JAKMIP1: variants seen among roughly 807,000 people sequenced by gnomAD.
JAKMIP1 encodes the protein janus kinase and microtubule interacting protein 1, also known as janus kinase and microtubule-interacting protein 1.
JAKMIP1 carries 33 observed loss-of-function variants against 113.0 expected under a neutral mutation model. The ratio of observed to expected loss-of-function variants is 0.29; its 90% confidence interval spans 0.22 to 0.39. The LOEUF is 0.39. Ranked by LOEUF, JAKMIP1 falls within the 10% of genes least tolerant of loss-of-function variation. The pLI is 1.00. For missense variants in JAKMIP1, 813 were observed against 1,080.5 expected (o/e 0.75, Z 3.47); for synonymous variants, 480 against 459.9 (o/e 1.04, Z -0.56).
At chr4:6,037,812 C>T (rs1389764705) in intron 18 of JAKMIP1, among the ~76,000 whole-genome samples, 11 of 145,326 alleles carry the variant, frequency 7.6e-5, no homozygotes, top group Non-Finnish European at 9.1e-5. Context: ...GAGGCAGAGG[C>T]TAACCGGTAG....
Position 6,179,655 on chromosome 4 carries a change from T to C in JAKMIP1, c.-148+20598A>G, listed in dbSNP as rs1725795719. On this transcript the variant is annotated intron_variant, in intron 1 of 20. Transcript: ENST00000409021. This position sits in a 1 kb window ranked among gnomAD's most constrained non-coding sequence, Gnocchi z 4.5. ...AGCAGTGGCCCTGAGTCAGGCTGCA[T>C]GGGTCTCTTGGGGTATCACTCCTGC... Among the ~76,000 whole-genome samples the C allele has an allele frequency of 6.6e-6, 1 of 152,218 alleles. No individual in the cohort carries two copies. Among genetic ancestry groups the C allele is most frequent in the African/African-American group, 2.4e-5 (1 of 41,450 alleles).
At chr4:6,102,566 T>A (rs1357545623) in intron 3 of JAKMIP1, among the ~76,000 whole-genome samples, 1 of 152,004 alleles carries the variant, frequency 6.6e-6, no homozygotes, top group Admixed American at 6.6e-5. Flanking sequence ...GCCTCCAGAA[T>A]GGTAAGAAAA....
In JAKMIP1 at chr4:6,064,315, G is replaced by C. The variant is rs560333751; in HGVS notation, c.1431+565C>G. ...ACGAAGCTGGTCTTTGCCCCCTCAC[G>C]AATCCACCTTGCTCAAGAAGCTGGC... is the stretch of plus-strand genomic sequence containing the variant. On this transcript the variant is annotated intron_variant, in intron 9 of 20. Transcript: ENST00000409021. The surrounding 1 kb of genome is among the most constrained non-coding windows in gnomAD (Gnocchi z 4.3). Among the ~76,000 whole-genome samples the C allele has an allele frequency of 2.0e-5, 3 of 152,338 alleles. No homozygotes were observed. Among genetic ancestry groups the C allele is most frequent in the Non-Finnish European group, 4.4e-5 (3 of 68,022 alleles).
At chr4:6,124,833 T>C (rs932145088) in intron 1 of JAKMIP1, among the ~76,000 whole-genome samples, 5 of 152,218 alleles carry the variant, frequency 3.3e-5, no homozygotes, top group South Asian at 2.1e-4. Flanking sequence ...GGGCAAACCT[T>C]TTCTGCTCTG....
chr4:6,060,410 T>G lies in JAKMIP1; in HGVS notation c.1644+14A>C, dbSNP rs749652572. 6.3e-7 allele frequency: 1 copy of G among 1,596,634 alleles called. No individual in the cohort carries two copies. The highest frequency in any genetic ancestry group is 8.6e-7 in the Non-Finnish European group (1 of 1,164,044). The stretch of plus-strand genomic sequence containing the variant: ...AAGGCTAAGATTCACAGAGCACAGA[T>G]CACTCCTGCTCACCTGTCCCTTCTC... On this transcript the variant is annotated intron_variant, in intron 11 of 20. Coordinates refer to ENST00000409021, the MANE Select transcript of JAKMIP1 (RefSeq NM_001099433.2).
chr4:6,103,833 C>T (rs1397643032), intron 3 of JAKMIP1, among the ~76,000 whole-genome samples: 1 of 152,024 alleles, frequency 6.6e-6, no homozygotes, highest in Non-Finnish European at 1.5e-5. Flanking sequence ...GTGGTATTTC[C>T]CCCTTTACAT....
At chr4:6,195,271 T>A (rs2109067404) in intron 1 of JAKMIP1, among the ~76,000 whole-genome samples, 1 of 152,346 alleles carries the variant, frequency 6.6e-6, no homozygotes, top group Middle Eastern at 3.4e-3. Flanking sequence ...GCACATGGCA[T>A]CAGTGAAGAA....
intron 1 of JAKMIP1, among the ~76,000 whole-genome samples, chr4:6,145,927 G>T (rs76261691): frequency 6.6e-6 from 1 of 152,062 alleles, no homozygotes; most frequent in South Asian, 2.1e-4. Context: ...TTTACAGGCC[G>T]TATCTCCAAA....
intron 2 of JAKMIP1, among the ~76,000 whole-genome samples, chr4:6,111,680 C>A (rs573064731): frequency 6.6e-6 from 1 of 152,332 alleles, no homozygotes; most frequent in African/African-American, 2.4e-5. Flanking sequence ...CCTAGAAAGC[C>A]TGTGCTCCTC....
chr4:6,200,437 A>G lies in JAKMIP1; in HGVS notation c.-332T>C, dbSNP rs566559357. 1 of 150,992 alleles carries G rather than the reference A, an allele frequency of 6.6e-6. No individual in the cohort carries two copies. Among genetic ancestry groups the G allele is most frequent in the East Asian group, 2.0e-4 (1 of 5,030 alleles). 9.4% of individuals were successfully genotyped at this position (150,992 alleles called of 1,614,324 possible). A position where few individuals can be genotyped will look rare whatever the true frequency, so the allele number is the denominator to read the frequency against. ...TGCACAAAAAAAATCGTAAAAAGCA[A>G]TTGAGGAGGATGGCAGTCGCGCGCG... On this transcript the variant is annotated 5_prime_UTR_variant, in exon 1 of 21. Coordinates refer to ENST00000409021, the MANE Select transcript of JAKMIP1 (RefSeq NM_001099433.2). This position sits in a 1 kb window ranked among gnomAD's most constrained non-coding sequence, Gnocchi z 7.0.
At position 6,141,515 on chromosome 4, in the gene JAKMIP1, T is replaced by C. The variant is rs1369729308; in HGVS notation, c.-147-28518A>G. 5.9e-5 allele frequency among the ~76,000 whole-genome samples: 9 copies of C among 152,032 alleles called. No individual in the cohort carries two copies. The highest frequency in any genetic ancestry group is 5.9e-4 in the Admixed American group (9 of 15,258). ...AGTGGTAGATGAAACCCTTCCTGGG[T>C]TGCTGCTTTACAAAACAAATATTGA... is the stretch of plus-strand genomic sequence containing the variant. On this transcript the variant is annotated intron_variant, in intron 1 of 20. Transcript: ENST00000409021. The surrounding 1 kb of genome is among the most constrained non-coding windows in gnomAD (Gnocchi z 9.4).
At position 6,049,003 on chromosome 4, in the gene JAKMIP1, T is replaced by C. The variant is rs1715329116; in HGVS notation, c.1963-81A>G. ...GACAGTCAGCACCAAGCAAGTTTTT[T>C]TTTTTCGTTGTTGTTGTTTGTTTTA... On this transcript the variant is annotated intron_variant, in intron 15 of 20. Transcript: ENST00000409021. This position sits in a 1 kb window ranked among gnomAD's most constrained non-coding sequence, Gnocchi z 7.0. 1 of 1,033,602 alleles carries C rather than the reference T, an allele frequency of 9.7e-7. No individual in the cohort carries two copies. The highest frequency in any genetic ancestry group is 1.5e-6 in the Non-Finnish European group (1 of 668,096). The allele number at this position is 1,033,602 out of a possible 1,614,324, so 64.0% of individuals were successfully genotyped here. A position where few individuals can be genotyped will look rare whatever the true frequency, so the allele number is the denominator to read the frequency against.
intron 1 of JAKMIP1, among the ~76,000 whole-genome samples, chr4:6,172,794 A>T (rs1034807793): frequency 2.6e-5 from 4 of 152,074 alleles, no homozygotes; most frequent in African/African-American, 7.2e-5. Flanking sequence ...CCTGCCCAAG[A>T]TGCCCCACCC....
Position 6,155,432 on chromosome 4 carries a change from A to G in JAKMIP1, c.-147-42435T>C, listed in dbSNP as rs552771544. Among the ~76,000 whole-genome samples, 1 of 152,332 alleles carries G rather than the reference A, an allele frequency of 6.6e-6. No homozygotes were observed. The highest frequency in any genetic ancestry group is 1.9e-4 in the East Asian group (1 of 5,184). ...GAGATTTAAAAAGTATGGAAAGGCTAAAACACTTGTCCAAAAGTGCACAGC... is the reference window on the plus strand; with the variant it reads ...GAGATTTAAAAAGTATGGAAAGGCTGAAACACTTGTCCAAAAGTGCACAGC... On this transcript the variant is annotated intron_variant, in intron 1 of 20. Transcript: ENST00000409021. This position sits in a 1 kb window ranked among gnomAD's most constrained non-coding sequence, Gnocchi z 6.1.
rs181110761 is a variant in JAKMIP1, at chr4:6,093,264, C to T, written c.625-7635G>A. ...ATGGTCCTATTACCAAACCGTCCTG[C>T]TCACACTAGAATAATCTGCTCACAC... On this transcript the variant is annotated intron_variant, in intron 3 of 20. Transcript: ENST00000409021. This position sits in a 1 kb window ranked among gnomAD's most constrained non-coding sequence, Gnocchi z 4.6. Among the ~76,000 whole-genome samples, 128 of 152,318 alleles carry T rather than the reference C, an allele frequency of 8.4e-4. No homozygotes were observed. The highest frequency in any genetic ancestry group is 2.9e-3 in the African/African-American group (120 of 41,578).
In JAKMIP1 at chr4:6,040,844, G is replaced by T. The variant is rs770658211; in HGVS notation, c.2098-128C>A. 1.8e-3 allele frequency: 1,294 copies of T among 720,538 alleles called. 12 individuals are homozygous for T. Among genetic ancestry groups the T allele is most frequent in the Non-Finnish European group, 1.4e-3 (572 of 411,828 alleles). 44.6% of individuals were successfully genotyped at this position (720,538 alleles called of 1,614,324 possible). ...GCACTCAGATGAGAAGGGACTTGGT[G>T]GTCTTCCCCGTTTGCCCCCACATGA... is the stretch of plus-strand genomic sequence containing the variant. On this transcript the variant is annotated intron_variant, in intron 17 of 20. Transcript: ENST00000409021. The surrounding 1 kb of genome is among the most constrained non-coding windows in gnomAD (Gnocchi z 5.8).
chr4:6,102,634 T>C (rs992765339), intron 3 of JAKMIP1, among the ~76,000 whole-genome samples: 2 of 151,086 alleles, frequency 1.3e-5, no homozygotes, highest in Non-Finnish European at 2.9e-5. Flanking sequence ...GCAACAGTAA[T>C]GAACTAAAAC....
At chr4:6,077,749 G>C (rs1719891683) in intron 8 of JAKMIP1, among the ~76,000 whole-genome samples, 1 of 152,068 alleles carries the variant, frequency 6.6e-6, no homozygotes, top group South Asian at 2.1e-4. Context: ...CTTTCAAAGT[G>C]CTGGAATTAC....
At chr4:6,111,791 T>C (rs1714977838) in intron 2 of JAKMIP1, among the ~76,000 whole-genome samples, 1 of 152,206 alleles carries the variant, frequency 6.6e-6, no homozygotes, top group Non-Finnish European at 1.5e-5. Flanking sequence ...GAGAGGAAAG[T>C]AGCTCATATC....
Sources: allele counts gnomAD v4.1 joint callset (sites outside exome capture counted in the v4.1 genomes callset), GRCh38; gene constraint gnomAD v4.1.1; non-coding constraint Gnocchi (gnomAD v3.1); transcripts MANE v1.5; gene names NCBI Gene and HGNC (gene_info 2026-07-23, HGNC 2026-07-21).